The following LEPR variants were observed in gnomAD, a reference collection of about 807,000 sequenced individuals.
The protein encoded by LEPR is leptin receptor, also known as OB receptor.
A neutral mutation model predicts 114.7 loss-of-function variants in LEPR; 56 were observed. The ratio of observed to expected loss-of-function variants is 0.49; its 90% CI spans 0.39 to 0.61. The LOEUF is 0.61. Among genes scored for constraint, LEPR ranks in the 20% least tolerant of loss-of-function variants. The probability of loss-of-function intolerance (pLI) is 0.00; values close to 1 mark genes in which losing one functional copy is unlikely to be tolerated. For synonymous variants in LEPR, 443 were observed against 461.4 expected, an observed-to-expected ratio of 0.96 and a Z score of 0.51; for missense variants, 1,202 against 1,352.9, an observed-to-expected ratio of 0.89 and a Z score of 1.75.
chr1:65,579,194 T>C (rs1478951798), intron 5 of LEPR, among the ~76,000 whole-genome samples: 1 of 152,200 alleles, frequency 6.6e-6, no homozygotes, highest in African/African-American at 2.4e-5. Context: ...ACAAATGTCC[T>C]TAACAAAAGT....
At chr1:65,433,425 C>A (rs370553100) in intron 2 of LEPR, 10 of 985,170 alleles carry the variant, frequency 1.0e-5, no homozygotes, top group East Asian at 2.3e-4. Flanking sequence ...TGTCTAAGAT[C>A]TATTGAGAAA....
At chr1:65,498,504 G>T (rs1648277337) in intron 2 of LEPR, among the ~76,000 whole-genome samples, 2 of 152,066 alleles carry the variant, frequency 1.3e-5, no homozygotes, top group Non-Finnish European at 2.9e-5. Flanking sequence ...AATGACCCAA[G>T]AATGACGATG....
intron 2 of LEPR, among the ~76,000 whole-genome samples, chr1:65,463,420 G>C (rs368343337): frequency 6.6e-6 from 1 of 152,058 alleles, no homozygotes; most frequent in Non-Finnish European, 1.5e-5. Flanking sequence ...GTTTTGGTTA[G>C]TGTAGCCTTG....
chr1:65,431,951 C>A, intron 2 of LEPR: 1 of 1,604,406 alleles, frequency 6.2e-7, no homozygotes, highest in South Asian at 1.1e-5. Flanking sequence ...CATTGAATTT[C>A]TTAGAACTCA....
In LEPR at chr1:65,456,253, C is replaced by G. The variant is rs529912103; in HGVS notation, c.-21+30875C>G. Among the ~76,000 whole-genome samples, 88 of 152,222 alleles carry G rather than the reference C, an allele frequency of 5.8e-4. 4 individuals carry two copies. The South Asian group carries it at 0.01, about 18-fold the overall frequency. ...GAAATCACCCGTCTTCTGCGTGGCT[C>G]ACGCTGGGAGCTGTAGACCAGAGCT... On this transcript the variant is annotated intron_variant, in intron 2 of 19. Coordinates refer to ENST00000349533, the MANE Select transcript of LEPR (RefSeq NM_002303.6).
At chr1:65,569,242 A>G (rs1653983454) in intron 3 of LEPR, among the ~76,000 whole-genome samples, 1 of 152,122 alleles carries the variant, frequency 6.6e-6, no homozygotes. Flanking sequence ...TCCTTACATT[A>G]TTACATTTGC....
chr1:65,514,223 A>T (rs1490754731), intron 2 of LEPR, among the ~76,000 whole-genome samples: 1 of 151,828 alleles, frequency 6.6e-6, no homozygotes, highest in South Asian at 2.1e-4. Flanking sequence ...CAGATAGTCA[A>T]GGAAATATGA....
rs1488487103 is a variant in LEPR, at chr1:65,639,337, C to A, written c.*2322C>A. 1 of 152,204 alleles carries A rather than the reference C, an allele frequency of 6.6e-6. No individual in the cohort carries two copies. Among genetic ancestry groups the A allele is most frequent in the East Asian group, 1.9e-4 (1 of 5,200 alleles). 9.4% of individuals were successfully genotyped at this position (152,204 alleles called of 1,614,324 possible). On this transcript the variant is annotated 3_prime_UTR_variant, in exon 20 of 20. Coordinates refer to ENST00000349533, the MANE Select transcript of LEPR (RefSeq NM_002303.6). ...ATATTGAAATTCCAAGGCACTATTT[C>A]ATGGACAGTGCTGAACAAGTATAGT...
intron 2 of LEPR, among the ~76,000 whole-genome samples, chr1:65,519,151 C>A (rs202039721): frequency 7.4e-6 from 1 of 135,084 alleles, no homozygotes; most frequent in African/African-American, 2.8e-5. Context: ...TTCCTTCCTT[C>A]CTTTCCTTCC....
chr1:65,578,923 C>T (rs1213932930), intron 5 of LEPR, among the ~76,000 whole-genome samples: 1 of 152,130 alleles, frequency 6.6e-6, no homozygotes, highest in Non-Finnish European at 1.5e-5. Flanking sequence ...TTCTTTAAGT[C>T]ACCCAGAGGA....
At chr1:65,448,429 T>C (rs1178812040) in intron 2 of LEPR, among the ~76,000 whole-genome samples, 5 of 152,220 alleles carry the variant, frequency 3.3e-5, no homozygotes, top group African/African-American at 1.2e-4. Context: ...TTTGCTAATA[T>C]CTTGTTGAGG....
intron 2 of LEPR, among the ~76,000 whole-genome samples, chr1:65,436,241 A>G (rs550937116): frequency 2.6e-5 from 4 of 152,330 alleles, no homozygotes; most frequent in African/African-American, 7.2e-5. Flanking sequence ...GACACTCCCC[A>G]TGGTGGACAT....
At chr1:65,439,109 A>G (rs946979240) in intron 2 of LEPR, among the ~76,000 whole-genome samples, 3 of 152,334 alleles carry the variant, frequency 2.0e-5, no homozygotes, top group Admixed American at 6.5e-5. Context: ...GCTGGGCAAT[A>G]GGACATGAGT....
intron 6 of LEPR, among the ~76,000 whole-genome samples, chr1:65,593,286 C>T (rs1465502007): frequency 1.3e-5 from 2 of 151,872 alleles, no homozygotes; most frequent in Non-Finnish European, 2.9e-5. Context: ...TAGTTCCCAC[C>T]TCAGAGAGCA....
intron 19 of LEPR, among the ~76,000 whole-genome samples, chr1:65,632,882 C>G (rs547499581): frequency 1.1e-3 from 171 of 151,748 alleles, no homozygotes; most frequent in Non-Finnish European, 1.9e-3. Flanking sequence ...CTCCTTTTAC[C>G]TATTCTGTTA....
At chr1:65,432,294 G>A in intron 2 of LEPR, 1 of 995,372 alleles carries the variant, frequency 1.0e-6, no homozygotes, top group Non-Finnish European at 1.2e-6. Flanking sequence ...GACCCAGGAA[G>A]GCCGGGGTGG....
At chr1:65,452,344 C>T (rs1448439231) in intron 2 of LEPR, among the ~76,000 whole-genome samples, 1 of 149,428 alleles carries the variant, frequency 6.7e-6, no homozygotes, top group Non-Finnish European at 1.5e-5. Flanking sequence ...AGAGGGCATC[C>T]CTGTCTTGTG....
At chr1:65,431,668 CT>C in intron 2 of LEPR, 1 of 814,824 alleles carries the variant, frequency 1.2e-6, no homozygotes, top group Non-Finnish European at 1.9e-6. Flanking sequence ...TCATTGTCTC[CT>C]GTTACATTAT....
At chr1:65,635,445 G>A in intron 19 of LEPR, 1 of 884,034 alleles carries the variant, frequency 1.1e-6, no homozygotes, top group South Asian at 5.2e-5. Flanking sequence ...TTGTGTATTT[G>A]TCTTCATTTC....
Sources: gnomAD v4.1 joint callset for allele counts (sites outside exome capture counted in the v4.1 genomes callset) on GRCh38, gnomAD v4.1.1 for gene constraint, MANE v1.5 for transcripts, NCBI Gene and HGNC (gene_info 2026-07-23, HGNC 2026-07-21) for gene names.